Variants in FBXO10 observed in about 807,000 individuals in gnomAD.
FBXO10 encodes the protein F-box only protein 10.
In FBXO10, 39 loss-of-function variants were observed where a neutral mutation model predicts 80.7. The observed-to-expected ratio is 0.48, with a 90% CI of 0.37 to 0.63. The LOEUF (loss-of-function observed/expected upper bound fraction) is 0.63. FBXO10 is among the 30% of genes least tolerant of loss of function. The pLI is 0.00. For synonymous variants in FBXO10, 449 were observed against 489.6 expected (o/e 0.92, Z 1.09); for missense variants, 1,025 against 1,269.0 (o/e 0.81, Z 2.92).
intron 1 of FBXO10, among the ~76,000 whole-genome samples, chr9:37,544,791 G>C (rs1330680233): frequency 6.6e-6 from 1 of 151,948 alleles, no homozygotes; most frequent in Admixed American, 6.6e-5. Flanking sequence ...TCAGGAGATC[G>C]AGACCATCCT....
intron 1 of FBXO10, among the ~76,000 whole-genome samples, chr9:37,557,001 T>C (rs1822352739): frequency 6.6e-6 from 1 of 152,212 alleles, no homozygotes; most frequent in African/African-American, 2.4e-5. Flanking sequence ...ACTCAATACC[T>C]GGTGTTGACT....
chr9:37,541,970 C>T (rs1821931667), intron 1 of FBXO10, among the ~76,000 whole-genome samples, 196 bp from the exon 2 acceptor site: 1 of 152,112 alleles, frequency 6.6e-6, no homozygotes, highest in Non-Finnish European at 1.5e-5. Flanking sequence ...GCTGGGGTTA[C>T]AGGCATGCAC....
chr9:37,512,479 A>AG lies in FBXO10; in HGVS notation c.*67dup. The AG allele has an allele frequency of 2.6e-6, 4 of 1,536,718 alleles. No homozygotes were observed. The highest frequency in any genetic ancestry group is 3.5e-6 in the Non-Finnish European group (4 of 1,133,082). On this transcript the variant is annotated 3_prime_UTR_variant, in exon 11 of 11. Coordinates refer to ENST00000432825, the MANE Select transcript of FBXO10 (RefSeq NM_012166.3). The stretch of plus-strand genomic sequence containing the variant: ...GGAGGGGGAGGGGCGGAGTCTTTTC[A>AG]GGCAGTATTTCCACCTTAGCTCCTC...
At chr9:37,554,004 T>C (rs778071639) in intron 1 of FBXO10, among the ~76,000 whole-genome samples, 2 of 151,222 alleles carry the variant, frequency 1.3e-5, no homozygotes, top group Non-Finnish European at 2.9e-5. Flanking sequence ...TGCAAAACTA[T>C]AGTATAATAT....
At chr9:37,553,914 C>T (rs533506576) in intron 1 of FBXO10, among the ~76,000 whole-genome samples, 1 of 69,180 alleles carries the variant, frequency 1.4e-5, no homozygotes, top group Admixed American at 1.7e-4. Context: ...GAAAGTCTGC[C>T]TCAAAAAAAA....
Position 37,541,525 on chromosome 9 carries a change from A to T in FBXO10, c.244T>A (p.Ser82Thr), listed in dbSNP as rs768975707. The change falls in exon 2 of 11, where the codon TCC becomes ACC. Residue 82 changes from serine to threonine, a missense_variant. Around this residue, in one of 3 missense-constraint regions of FBXO10, gnomAD observed 450 missense variants for 499.4 expected, o/e 0.90. Coordinates refer to ENST00000432825, the MANE Select transcript of FBXO10 (RefSeq NM_012166.3). ...AAGGCATTCTTGGTCCATGTCTTGG[A>T]TGCAAGGTAATGCTGCTTGAAGGCT... ...REAFKQHYLA[S>T]KTWTKNALDL... 6.2e-7 allele frequency: 1 copy of T among 1,613,816 alleles called. No homozygotes were observed. Among genetic ancestry groups the T allele is most frequent in the Non-Finnish European group, 8.5e-7 (1 of 1,179,782 alleles).
At position 37,541,341 on chromosome 9, in the gene FBXO10, T is replaced by C; in HGVS notation, c.428A>G (p.Glu143Gly). The part of the protein sequence containing the change: ...RIVLFPGVYE[E>G]QGEIILKVPV... ...CACCTTCAAGATGATTTCACCTTGC[T>C]CTTCGTACACACCTGGGAAGAGCAC... The change falls in exon 2 of 11, where the codon GAG becomes GGG. Residue 143 changes from glutamate (E) to glycine (G), a missense_variant. Around this residue, in one of 3 missense-constraint regions of FBXO10, gnomAD observed 450 missense variants for 499.4 expected, o/e 0.90. Coordinates refer to ENST00000432825, the MANE Select transcript of FBXO10 (RefSeq NM_012166.3). 1.2e-6 allele frequency: 2 copies of C among 1,613,994 alleles called. No individual in the cohort carries two copies. Among genetic ancestry groups the C allele is most frequent in the Non-Finnish European group, 1.7e-6 (2 of 1,179,890 alleles).
intron 1 of FBXO10, among the ~76,000 whole-genome samples, chr9:37,571,842 A>C (rs1229989256): frequency 6.6e-6 from 1 of 150,808 alleles, no homozygotes; most frequent in East Asian, 1.9e-4. Context: ...ACCAACAAAA[A>C]ACTGCTCAAG....
chr9:37,534,296 AATATACAC>A (rs1564340818), intron 3 of FBXO10, among the ~76,000 whole-genome samples: 7 of 152,234 alleles, frequency 4.6e-5, no homozygotes, highest in African/African-American at 1.7e-4. Flanking sequence ...AAGTAGAAAG[AATATACAC>A]AAACATGGAC....
At chr9:37,523,125 G>A in intron 6 of FBXO10, 148 bp from the exon 7 acceptor site, 2 of 866,722 alleles carry the variant, frequency 2.3e-6, no homozygotes, top group Non-Finnish European at 1.7e-6. Context: ...AATCTTGTCT[G>A]CTGTCTGATG....
intron 5 of FBXO10, among the ~76,000 whole-genome samples, chr9:37,526,544 T>C (rs1821477018): frequency 1.3e-5 from 2 of 152,208 alleles, no homozygotes. Flanking sequence ...AGTTTCCTAT[T>C]GTTACTATAA....
In FBXO10 at chr9:37,512,788, C is replaced by T. The variant is rs1277707925; in HGVS notation, c.2697-67G>A. 5 of 1,523,538 alleles carry T rather than the reference C, an allele frequency of 3.3e-6. No individual in the cohort carries two copies. In the African/African-American group the frequency reaches 6.9e-5, roughly 21 times the overall value. 94.4% of individuals were successfully genotyped at this position (1,523,538 alleles called of 1,614,324 possible). On this transcript the variant is annotated intron_variant, in intron 10 of 10. Transcript: ENST00000432825. Reference sequence around the variant, plus strand: ...TGCAGTGCTGGCTGAATGCCCTGCACAGTCTTAACTTGGGTTCCAGATCGG... The same window carrying T: ...TGCAGTGCTGGCTGAATGCCCTGCATAGTCTTAACTTGGGTTCCAGATCGG...
intron 1 of FBXO10, among the ~76,000 whole-genome samples, chr9:37,561,691 A>G (rs13298743): frequency 0.17 from 25,273 of 152,282 alleles, 2,224 homozygotes; most frequent in Middle Eastern, 0.25. Context: ...CCTATGTGCC[A>G]AGCATTGTTC....
chr9:37,535,675 A>C (rs1459251248), intron 3 of FBXO10, among the ~76,000 whole-genome samples: 1 of 152,088 alleles, frequency 6.6e-6, no homozygotes, highest in Non-Finnish European at 1.5e-5. Context: ...TTCTTCTTGG[A>C]GCCTCAAGCA....
At chr9:37,528,282 C>T (rs753185892) in intron 5 of FBXO10, among the ~76,000 whole-genome samples, 21 of 152,178 alleles carry the variant, frequency 1.4e-4, no homozygotes, top group Non-Finnish European at 2.4e-4. Flanking sequence ...GATGGTCTGC[C>T]GCAAGGACGT....
chr9:37,535,069 G>T lies in FBXO10; in HGVS notation c.1419+2041C>A, dbSNP rs981426646. On this transcript the variant is annotated intron_variant, in intron 3 of 10. Coordinates refer to ENST00000432825, the MANE Select transcript of FBXO10 (RefSeq NM_012166.3). ...AGCGGAGATCGCCTCTGAGCAGCAGGCACAAAGGAAGATCTGAAGCGGAGA... is the reference window on the plus strand; with the variant it reads ...AGCGGAGATCGCCTCTGAGCAGCAGTCACAAAGGAAGATCTGAAGCGGAGA... 3.3e-5 allele frequency among the ~76,000 whole-genome samples: 5 copies of T among 152,196 alleles called. No homozygotes were observed. In the East Asian group the frequency reaches 9.6e-4, roughly 29 times the overall value.
rs776035711 is a variant in FBXO10, at chr9:37,525,113, C to A, written c.1766G>T (p.Gly589Val). Residue 589 changes from glycine to valine, a missense_variant, in exon 6 of 11, where the codon GGC becomes GTC. Coordinates refer to ENST00000432825, the MANE Select transcript of FBXO10 (RefSeq NM_012166.3). ...AGIAVNENGKGLITENVIREN... is the reference protein window; with the variant it reads ...AGIAVNENGKVLITENVIREN... Reference sequence around the variant, plus strand: ...GTTCCCATCCGTACCTGTGATGAGGCCTTTGCCGTTCTCATTCACTGCTAT... The same window carrying A: ...GTTCCCATCCGTACCTGTGATGAGGACTTTGCCGTTCTCATTCACTGCTAT... The A allele has an allele frequency of 3.8e-6, 6 of 1,561,976 alleles. No homozygotes were observed. Among genetic ancestry groups the A allele is most frequent in the African/African-American group, 1.4e-5 (1 of 73,422 alleles).
chr9:37,524,727 TTAAGC>T (rs1821425594), intron 6 of FBXO10, among the ~76,000 whole-genome samples: 1 of 152,186 alleles, frequency 6.6e-6, no homozygotes, highest in African/African-American at 2.4e-5. Context: ...GAAGTGACAG[TTAAGC>T]TAAGACCCAA....
At chr9:37,567,146 T>TC (rs1238205629) in intron 1 of FBXO10, among the ~76,000 whole-genome samples, 8 of 148,142 alleles carry the variant, frequency 5.4e-5, no homozygotes, top group African/African-American at 2.1e-4. Context: ...TTTTCTTTTT[T>TC]TCTTTTTTTT....
Sources: allele counts gnomAD v4.1 joint callset (sites outside exome capture counted in the v4.1 genomes callset), GRCh38; gene constraint gnomAD v4.1.1; regional missense constraint gnomAD v4.1.1; transcripts MANE v1.5; gene names NCBI Gene and HGNC (gene_info 2026-07-23, HGNC 2026-07-21).